The following STXBP6 variants were observed in gnomAD, a reference collection of about 807,000 sequenced individuals.
The protein encoded by STXBP6 is syntaxin-binding protein 6.
In STXBP6, 21 loss-of-function variants were observed where a neutral mutation model predicts 26.9. The observed-to-expected ratio is 0.78, with a 90% CI of 0.55 to 1.12. The LOEUF (loss-of-function observed/expected upper bound fraction) is 1.12, where lower values mean the gene tolerates loss of function less well. STXBP6 is among the 50% of genes most tolerant of loss of function. The pLI, the probability that STXBP6 is intolerant of heterozygous loss-of-function variation, is 0.00. For synonymous variants in STXBP6, 97 were observed against 92.6 expected (o/e 1.05, Z -0.27); for missense variants, 232 against 257.9 (o/e 0.90, Z 0.69).
At chr14:24,814,368 C>G (rs2067909714) in intron 5 of STXBP6, among the ~76,000 whole-genome samples, 1 of 152,228 alleles carries the variant, frequency 6.6e-6, no homozygotes, top group Admixed American at 6.5e-5. Context: ...CAACATGGAC[C>G]ATCACATCAA....
intron 1 of STXBP6, among the ~76,000 whole-genome samples, chr14:24,977,670 TA>T (rs1004114370): frequency 2.0e-5 from 3 of 152,222 alleles, no homozygotes; most frequent in Non-Finnish European, 4.4e-5. Context: ...CCTGAATAAT[TA>T]AAAAATGCTT....
intron 1 of STXBP6, among the ~76,000 whole-genome samples, chr14:25,037,941 T>C (rs995938303): frequency 1.3e-5 from 2 of 152,196 alleles, no homozygotes; most frequent in African/African-American, 4.8e-5. Flanking sequence ...TACCACTTCA[T>C]GTCCTCCTTC....
At chr14:25,013,925 A>G (rs1041276120) in intron 1 of STXBP6, among the ~76,000 whole-genome samples, 1 of 152,210 alleles carries the variant, frequency 6.6e-6, no homozygotes, top group African/African-American at 2.4e-5. Flanking sequence ...CCCATATTTG[A>G]TTGTTAGAGA....
chr14:24,939,282 G>A (rs1188118886), intron 2 of STXBP6, among the ~76,000 whole-genome samples: 1 of 152,188 alleles, frequency 6.6e-6, no homozygotes, highest in Non-Finnish European at 1.5e-5. Flanking sequence ...GGATCTTGGT[G>A]TTTGAATACC....
At chr14:25,046,436 G>T (rs1595368099) in intron 1 of STXBP6, among the ~76,000 whole-genome samples, 1 of 106,444 alleles carries the variant, frequency 9.4e-6, no homozygotes, top group African/African-American at 4.5e-5. Flanking sequence ...TTTTTTAAAG[G>T]TTTCTGATTT....
At chr14:24,977,947 T>C (rs2140222556) in intron 1 of STXBP6, among the ~76,000 whole-genome samples, 1 of 152,338 alleles carries the variant, frequency 6.6e-6, no homozygotes, top group African/African-American at 2.4e-5. Flanking sequence ...GGATACTCAC[T>C]AGGAGATTAT....
intron 4 of STXBP6, among the ~76,000 whole-genome samples, chr14:24,824,425 C>T (rs557182054): frequency 8.5e-5 from 13 of 152,230 alleles, no homozygotes; most frequent in East Asian, 3.9e-4. Flanking sequence ...GTAATCATGA[C>T]GATATTAGCT....
intron 4 of STXBP6, among the ~76,000 whole-genome samples, chr14:24,848,942 C>G (rs1384988646): frequency 6.6e-6 from 1 of 152,032 alleles, no homozygotes; most frequent in Admixed American, 6.6e-5. Flanking sequence ...GATTCCTATC[C>G]AAAAACATCT....
intron 4 of STXBP6, among the ~76,000 whole-genome samples, chr14:24,842,325 G>T (rs748587635): frequency 6.6e-5 from 10 of 152,208 alleles, no homozygotes; most frequent in Non-Finnish European, 1.5e-4. Flanking sequence ...TTGCATGGGT[G>T]CACTTGTAGT....
chr14:24,826,168 ACT>A (rs989926892), intron 4 of STXBP6, among the ~76,000 whole-genome samples: 2 of 151,650 alleles, frequency 1.3e-5, no homozygotes, highest in Non-Finnish European at 2.9e-5. Flanking sequence ...CAAATTGAAA[ACT>A]CTCTACACAA....
chr14:24,897,464 C>A (rs1595066576), intron 2 of STXBP6, among the ~76,000 whole-genome samples: 1 of 145,678 alleles, frequency 6.9e-6, no homozygotes, highest in East Asian at 2.0e-4. Flanking sequence ...TTTTATACAT[C>A]TCCTTTGTTG....
chr14:24,914,337 T>C (rs552260240), intron 2 of STXBP6, among the ~76,000 whole-genome samples: 6 of 152,286 alleles, frequency 3.9e-5, no homozygotes, highest in East Asian at 3.9e-4. Context: ...AATCACAAGA[T>C]TGAGATATGA....
chr14:24,940,328 C>T (rs192456107), intron 2 of STXBP6, among the ~76,000 whole-genome samples: 21 of 152,272 alleles, frequency 1.4e-4, no homozygotes, highest in Non-Finnish European at 2.6e-4. Context: ...AGTATGATTG[C>T]TATATGAGAG....
At chr14:24,928,091 A>G (rs1025739881) in intron 2 of STXBP6, among the ~76,000 whole-genome samples, 1 of 152,178 alleles carries the variant, frequency 6.6e-6, no homozygotes, top group Non-Finnish European at 1.5e-5. Context: ...GGAATTTAGA[A>G]TAATAAATCC....
At chr14:24,969,197 A>C (rs181834815) in intron 2 of STXBP6, among the ~76,000 whole-genome samples, 318 of 152,354 alleles carry the variant, frequency 2.1e-3, no homozygotes, top group African/African-American at 6.7e-3. Context: ...CATTTTGAAA[A>C]GATTAAGATT....
chr14:24,868,792 T>C (rs2069816097), intron 2 of STXBP6, among the ~76,000 whole-genome samples: 1 of 152,152 alleles, frequency 6.6e-6, no homozygotes, highest in Admixed American at 6.5e-5. Context: ...CAGAGGGTAG[T>C]AGTAAAAACA....
chr14:24,844,892 C>A (rs2068902464), intron 4 of STXBP6, among the ~76,000 whole-genome samples: 2 of 152,022 alleles, frequency 1.3e-5, no homozygotes, highest in African/African-American at 2.4e-5. Flanking sequence ...AGAGGTACAC[C>A]ACCAAGTTAT....
At chr14:24,855,793 A>C in intron 4 of STXBP6, 143 bp downstream of exon 4, 2 of 670,344 alleles carry the variant, frequency 3.0e-6, no homozygotes. Flanking sequence ...AACTCCCTGG[A>C]ATGGTTCTTA....
intron 1 of STXBP6, among the ~76,000 whole-genome samples, chr14:25,043,985 C>T (rs774154947): frequency 2.7e-5 from 4 of 150,658 alleles, no homozygotes; most frequent in Admixed American, 6.6e-5. Context: ...GCCTGGGCAA[C>T]ATGGTAAAAC....
Sources: allele counts gnomAD v4.1 joint callset (sites outside exome capture counted in the v4.1 genomes callset), GRCh38; gene constraint gnomAD v4.1.1; transcripts MANE v1.5; gene names NCBI Gene and HGNC (gene_info 2026-07-23, HGNC 2026-07-21).